UTP18: variants seen among roughly 807,000 people sequenced by gnomAD.
The protein encoded by UTP18 is U3 small nucleolar RNA-associated protein 18 homolog.
A neutral mutation model predicts 61.1 loss-of-function variants in UTP18; 36 were observed. The observed-to-expected ratio is 0.59, with a 90% CI of 0.45 to 0.78. The LOEUF is 0.78. Ranked by LOEUF, UTP18 falls within the 30% of genes least tolerant of loss-of-function variation. The pLI is 0.00. For missense variants in UTP18, 753 were observed against 693.9 expected, an observed-to-expected ratio of 1.09 and a Z score of -0.96; for synonymous variants, 282 against 251.1, an observed-to-expected ratio of 1.12 and a Z score of -1.16.
chr17:51,279,964 C>T (rs762111361), intron 7 of UTP18, 41 bp from the exon 8 acceptor site: 4 of 1,470,954 alleles, frequency 2.7e-6, no homozygotes, highest in Non-Finnish European at 2.8e-6. Flanking sequence ...TTATTGAAAA[C>T]TATATAAAAC....
intron 7 of UTP18, among the ~76,000 whole-genome samples, chr17:51,278,680 C>T (rs1388259752): frequency 1.3e-5 from 2 of 152,222 alleles, no homozygotes; most frequent in Non-Finnish European, 2.9e-5. Context: ...TGTAGCTTCA[C>T]ATGGTGTTAG....
intron 10 of UTP18, 38 bp downstream of exon 10, chr17:51,285,406 G>T: frequency 6.3e-7 from 1 of 1,598,758 alleles, no homozygotes. Context: ...TAATCACATT[G>T]TGCTAATGAG....
chr17:51,277,975 T>G (rs1904787019), intron 7 of UTP18, among the ~76,000 whole-genome samples: 1 of 152,180 alleles, frequency 6.6e-6, no homozygotes, highest in Admixed American at 6.5e-5. Flanking sequence ...ATGGCACGGC[T>G]CACTGGTGCT....
chr17:51,260,563 G>A lies in UTP18; in HGVS notation c.-22G>A, dbSNP rs1247718624. On this transcript the variant is annotated 5_prime_UTR_variant, in exon 1 of 14. Coordinates refer to ENST00000225298, the MANE Select transcript of UTP18 (RefSeq NM_016001.3). ...GCAGCGAGGTTCCACGTGAGCGCCTGCGTTTCTCCTCAAACCTAACGATGC... is the reference window on the plus strand; with the variant it reads ...GCAGCGAGGTTCCACGTGAGCGCCTACGTTTCTCCTCAAACCTAACGATGC... 1.2e-6 allele frequency: 2 copies of A among 1,601,792 alleles called. No individual in the cohort carries two copies. Among genetic ancestry groups the A allele is most frequent in the Non-Finnish European group, 1.7e-6 (2 of 1,175,876 alleles).
chr17:51,281,164 A>ATATT (rs59857038), intron 9 of UTP18, among the ~76,000 whole-genome samples: 3 of 140,426 alleles, frequency 2.1e-5, no homozygotes, highest in East Asian at 2.1e-4. Flanking sequence ...ATATATATAT[A>ATATT]TTTTTTTTAA....
At chr17:51,288,627 A>T (rs1292953698) in intron 11 of UTP18, 3 of 456,202 alleles carry the variant, frequency 6.6e-6, no homozygotes, top group Non-Finnish European at 1.3e-5. Flanking sequence ...GTATAAAAGT[A>T]TTGTAATTTA....
chr17:51,261,225 A>G (rs1356689619), intron 1 of UTP18, among the ~76,000 whole-genome samples: 1 of 152,212 alleles, frequency 6.6e-6, no homozygotes, highest in Non-Finnish European at 1.5e-5. Flanking sequence ...CGACTCCGCT[A>G]GCCTCTTCCC....
intron 9 of UTP18, among the ~76,000 whole-genome samples, chr17:51,283,905 A>G (rs769373201): frequency 3.3e-5 from 5 of 152,182 alleles, no homozygotes; most frequent in Admixed American, 6.5e-5. Flanking sequence ...ATGAGCCACC[A>G]TGCCTGGCCA....
chr17:51,291,275 A>C (rs1323715090), intron 11 of UTP18, among the ~76,000 whole-genome samples: 1 of 152,180 alleles, frequency 6.6e-6, no homozygotes, highest in African/African-American at 2.4e-5. Flanking sequence ...TAGATGTCAG[A>C]GCACAGCATA....
intron 1 of UTP18, 143 bp downstream of exon 1, chr17:51,261,069 G>A: frequency 1.4e-6 from 1 of 718,702 alleles, no homozygotes; most frequent in Non-Finnish European, 1.9e-6. Flanking sequence ...CGGGCGCGGA[G>A]GGTCGCAGCT....
At chr17:51,291,295 A>G (rs1331061132) in intron 11 of UTP18, among the ~76,000 whole-genome samples, 1 of 152,360 alleles carries the variant, frequency 6.6e-6, no homozygotes. Context: ...AGTTTTAATC[A>G]GGTGAGATCA....
intron 5 of UTP18, among the ~76,000 whole-genome samples, chr17:51,273,775 T>TAAATAAATAAATA (rs1266265987): frequency 4.4e-5 from 3 of 68,826 alleles, no homozygotes; most frequent in Admixed American, 2.8e-4. Context: ...ATAAATAAAT[T>TAAATAAATAAATA]TTCCAGTAAT....
chr17:51,278,490 A>G (rs1904805338), intron 7 of UTP18, among the ~76,000 whole-genome samples: 1 of 152,264 alleles, frequency 6.6e-6, no homozygotes, highest in Admixed American at 6.5e-5. Context: ...GCGTTGGCCA[A>G]GATACAGTTA....
At chr17:51,293,773 A>C in intron 11 of UTP18, 130 bp from the exon 12 acceptor site, 1 of 719,786 alleles carries the variant, frequency 1.4e-6, no homozygotes, top group Non-Finnish European at 2.0e-6. Context: ...GCACTAATAG[A>C]CTGTACTTTC....
At chr17:51,287,504 T>C (rs996091126) in intron 10 of UTP18, among the ~76,000 whole-genome samples, 3 of 152,144 alleles carry the variant, frequency 2.0e-5, no homozygotes, top group Non-Finnish European at 4.4e-5. Flanking sequence ...GTATTCACAT[T>C]CTCAGGCTCC....
chr17:51,272,656 G>T (rs1039713966), intron 4 of UTP18, among the ~76,000 whole-genome samples: 40 of 152,242 alleles, frequency 2.6e-4, no homozygotes, highest in Admixed American at 1.0e-3. Flanking sequence ...TTTTAATGAG[G>T]AATTGTGAAG....
chr17:51,265,266 CTT>C (rs1055221855), intron 2 of UTP18, among the ~76,000 whole-genome samples: 10 of 139,950 alleles, frequency 7.1e-5, no homozygotes, highest in Admixed American at 1.4e-4. Flanking sequence ...AAGGTTTGCT[CTT>C]TTTTTTTTTT....
rs781741768 is a variant in UTP18 at position 51,273,397 on chromosome 17, A to G, written c.658A>G (p.Arg220Gly). Residue 220 changes from arginine (R) to glycine (G), a missense_variant, in exon 5 of 14, where the codon AGG (arginine) becomes GGG (glycine). Transcript: ENST00000225298. ...AGAGGATGAAGATGATTTGTTGCAA[A>G]GGACTGGGAATTTCATATCCACATC... is the stretch of plus-strand genomic sequence containing the variant. ...SEEDEDDLLQ[R>G]TGNFISTSTS... is the part of the protein sequence containing the mutation. 6.2e-7 allele frequency: 1 copy of G among 1,610,844 alleles called. No individual in the cohort carries two copies. Among genetic ancestry groups the G allele is most frequent in the Non-Finnish European group, 8.5e-7 (1 of 1,178,606 alleles).
At chr17:51,281,636 G>GT (rs1904929249) in intron 9 of UTP18, among the ~76,000 whole-genome samples, 1 of 152,130 alleles carries the variant, frequency 6.6e-6, no homozygotes, top group South Asian at 2.1e-4. Flanking sequence ...GGTCCTTGTG[G>GT]TGATGGGAAG....
Sources: gnomAD v4.1 joint callset for allele counts (sites outside exome capture counted in the v4.1 genomes callset) on GRCh38, gnomAD v4.1.1 for gene constraint, MANE v1.5 for transcripts, NCBI Gene and HGNC (gene_info 2026-07-23, HGNC 2026-07-21) for gene names.